CA5B: variants seen among roughly 807,000 people sequenced by gnomAD.
CA5B encodes the protein carbonic anhydrase 5B, mitochondrial.
CA5B carries 15 observed loss-of-function variants against 23.1 expected under a neutral mutation model. The observed-to-expected ratio is 0.65, with a 90% confidence interval of 0.43 to 1.00. The LOEUF is 1.00. Ranked by LOEUF, CA5B falls within the 50% of genes least tolerant of loss-of-function variation. CA5B has a pLI of 0.00. For missense variants in CA5B, 236 were observed against 252.2 expected (o/e 0.94, Z 0.43); for synonymous variants, 84 against 98.5 (o/e 0.85, Z 0.87).
At position 15,785,198 on chromosome X, in the gene CA5B, A is replaced by G. The variant is rs948876713; in HGVS notation, c.*2534A>G. ...AGAATTACCACCAAAGCGGGATCTC[A>G]AAGAGATATTTGTACACCCATGTTC... On this transcript the variant is annotated 3_prime_UTR_variant, in exon 8 of 8. Transcript: ENST00000318636. 1 of 112,307 alleles carries G rather than the reference A, an allele frequency of 8.9e-6. No homozygotes were observed. The highest frequency in any genetic ancestry group is 2.8e-4 in the East Asian group (1 of 3,613). The allele number at this position is 112,307 out of a possible 1,213,427, so 9.3% of individuals were successfully genotyped here.
At chrX:15,760,287 G>C (rs1931577816) in intron 2 of CA5B, among the ~76,000 whole-genome samples, 1 of 111,127 alleles carries the variant, frequency 9.0e-6, no homozygotes, top group Admixed American at 9.6e-5. Flanking sequence ...AAAAGTGTCA[G>C]TTTATCTTTA....
In CA5B at chrX:15,753,873, G is replaced by A. The variant is rs772901187; in HGVS notation, c.142+3708G>A. Among the ~76,000 whole-genome samples, 5 of 111,899 alleles carry A rather than the reference G, an allele frequency of 4.5e-5. No individual in the cohort carries two copies. The East Asian group carries it at 1.4e-3, about 31-fold the overall frequency. ...CCAGGTGAGCTGAGATCGTGCCATT[G>A]CACTCCAGCCTGGGCGACAAGAGCG... On this transcript the variant is annotated intron_variant, in intron 2 of 7. Coordinates refer to ENST00000318636, the MANE Select transcript of CA5B (RefSeq NM_007220.4).
chrX:15,777,878 A>T (rs781147420), intron 7 of CA5B, among the ~76,000 whole-genome samples: 1 of 111,578 alleles, frequency 9.0e-6, no homozygotes, highest in East Asian at 2.9e-4. Flanking sequence ...AATGGAAAGG[A>T]TTGTTACCGT....
In CA5B at chrX:15,767,015, T is replaced by A. The variant is rs771307934; in HGVS notation, c.340+2240T>A. 2.3e-4 allele frequency: 142 copies of A among 613,322 alleles called. No homozygotes were observed. The South Asian group carries it at 2.8e-3, about 12-fold the overall frequency. The allele number at this position is 613,322 out of a possible 1,213,427, so 50.5% of individuals were successfully genotyped here. A position where few individuals can be genotyped will look rare whatever the true frequency, so the allele number is the denominator to read the frequency against. ...TAAATTCCTGTGTTCTGGATGACTG[T>A]CTGGCACTCTGGTGAGCTCTACTTG... On this transcript the variant is annotated intron_variant, in intron 3 of 7. Transcript: ENST00000318636.
chrX:15,753,127 A>G, intron 2 of CA5B, among the ~76,000 whole-genome samples: 1 of 112,008 alleles, frequency 8.9e-6, no homozygotes, highest in Middle Eastern at 4.6e-3. Context: ...CCATGAGCAC[A>G]TGTTCTCAGG....
At chrX:15,762,534 C>T (rs144653275) in intron 2 of CA5B, among the ~76,000 whole-genome samples, 3,837 of 108,563 alleles carry the variant, frequency 0.035, 178 homozygotes, top group African/African-American at 0.12. Context: ...CGCCATCTCC[C>T]GGGTTCAAGC....
chrX:15,743,804 A>G (rs1459147074), intron 1 of CA5B, among the ~76,000 whole-genome samples: 2 of 111,751 alleles, frequency 1.8e-5, no homozygotes, highest in African/African-American at 6.5e-5. Flanking sequence ...GACAAATATT[A>G]ATAGCAGACT....
rs1180169115 is a variant in CA5B at position 15,785,130 on chromosome X, C to T, written c.*2466C>T. ...AAAACGGTGCAGTCATTACGGAAAA[C>T]AGTACACAGGTTTCCCAAATAACTG... On this transcript the variant is annotated 3_prime_UTR_variant, in exon 8 of 8. Transcript: ENST00000318636. 1 of 111,819 alleles carries T rather than the reference C, an allele frequency of 8.9e-6. No homozygotes were observed. The highest frequency in any genetic ancestry group is 9.5e-5 in the Admixed American group (1 of 10,511). 9.2% of individuals were successfully genotyped at this position (111,819 alleles called of 1,213,427 possible).
rs1320371825 is a variant in CA5B at position 15,788,042 on chromosome X, C to T, written c.*5378C>T. 8.9e-6 allele frequency: 1 copy of T among 112,421 alleles called. No homozygotes were observed. The highest frequency in any genetic ancestry group is 1.9e-5 in the Non-Finnish European group (1 of 53,311). The allele number at this position is 112,421 out of a possible 1,213,427, so 9.3% of individuals were successfully genotyped here. On this transcript the variant is annotated 3_prime_UTR_variant, in exon 8 of 8. Transcript: ENST00000318636. ...CAGCGTAAATTCTGATCACAGGGACCAGCAAAATTGGTGAGTTGCATAGCT... is the reference window on the plus strand; with the variant it reads ...CAGCGTAAATTCTGATCACAGGGACTAGCAAAATTGGTGAGTTGCATAGCT...
chrX:15,753,288 A>T (rs1483073337), intron 2 of CA5B, among the ~76,000 whole-genome samples: 1 of 112,777 alleles, frequency 8.9e-6, no homozygotes. Flanking sequence ...TACAGGTCAT[A>T]AGTAAGTGGA....
intron 2 of CA5B, among the ~76,000 whole-genome samples, chrX:15,760,309 C>T (rs1217537833): frequency 9.0e-6 from 1 of 110,572 alleles, no homozygotes; most frequent in Non-Finnish European, 1.9e-5. Context: ...CAAAACAAAC[C>T]CTTGGCAAAA....
intron 3 of CA5B, chrX:15,768,611 TC>T (rs1931759647): frequency 9.0e-6 from 1 of 111,452 alleles, no homozygotes; most frequent in African/African-American, 3.2e-5. Context: ...TAATTTTCTC[TC>T]TCTCTCTCTC....
chrX:15,761,620 G>T (rs1931604521), intron 2 of CA5B, among the ~76,000 whole-genome samples: 1 of 112,309 alleles, frequency 8.9e-6, no homozygotes, highest in Non-Finnish European at 1.9e-5. Flanking sequence ...GAAATAGAAA[G>T]AAAAGAGTAT....
chrX:15,776,056 C>A (rs1424846294), intron 6 of CA5B: 11 of 744,925 alleles, frequency 1.5e-5, no homozygotes, highest in South Asian at 6.9e-5. Flanking sequence ...GCAAAGCCTC[C>A]AACCGGGCGC....
Position 15,761,724 on chromosome X carries a change from G to C in CA5B, c.143-2854G>C, listed in dbSNP as rs762805852. On this transcript the variant is annotated intron_variant, in intron 2 of 7. Transcript: ENST00000318636. ...TCAGGATGCTTCTTTGTCTTGTCGG[G>C]GGGAGCCCATCCAGGGCATTATAGG... Among the ~76,000 whole-genome samples the C allele has an allele frequency of 1.3e-4, 14 of 110,754 alleles. 1 individual carries two copies. In the South Asian group the frequency reaches 5.4e-3, roughly 43 times the overall value.
rs60994515 is a variant in CA5B, at chrX:15,746,930, T to C, written c.-53-3041T>C. Among the ~76,000 whole-genome samples, 325 of 111,560 alleles carry C rather than the reference T, an allele frequency of 2.9e-3. 1 individual carries two copies. Among genetic ancestry groups the C allele is most frequent in the African/African-American group, 9.1e-3 (278 of 30,696 alleles). On this transcript the variant is annotated intron_variant, in intron 1 of 7. Coordinates refer to ENST00000318636, the MANE Select transcript of CA5B (RefSeq NM_007220.4). ...TAGTGATGTTATCCCAAGGAGCAAT[T>C]TGGGGAGGTTCAGACTCTGAGCCAG... is the stretch of plus-strand genomic sequence containing the variant.
chrX:15,781,642 G>T (rs1932025442), intron 7 of CA5B, among the ~76,000 whole-genome samples: 1 of 111,498 alleles, frequency 9.0e-6, no homozygotes, highest in Non-Finnish European at 1.9e-5. Context: ...GCCTGGTGTG[G>T]TAGCTCACAC....
At chrX:15,754,297 T>C (rs1931447040) in intron 2 of CA5B, among the ~76,000 whole-genome samples, 1 of 112,945 alleles carries the variant, frequency 8.9e-6, no homozygotes, top group East Asian at 2.8e-4. Context: ...TGTTGGCAGC[T>C]ACTTCTAGTA....
intron 2 of CA5B, among the ~76,000 whole-genome samples, chrX:15,758,727 C>T (rs943327398): frequency 2.7e-5 from 3 of 111,298 alleles, no homozygotes; most frequent in African/African-American, 6.5e-5. Context: ...AGGCTGGTCT[C>T]AAACTACTGA....
Sources: allele counts gnomAD v4.1 joint callset (sites outside exome capture counted in the v4.1 genomes callset), GRCh38; gene constraint gnomAD v4.1.1; transcripts MANE v1.5; gene names NCBI Gene and HGNC (gene_info 2026-07-23, HGNC 2026-07-21).